Variants in BABAM2 observed in about 807,000 individuals in gnomAD.
The protein encoded by BABAM2 is BRISC and BRCA1 A complex member 2, also known as BRISC and BRCA1-A complex member 2.
A neutral mutation model predicts 54.7 loss-of-function variants in BABAM2; 31 were observed. That is an observed-to-expected ratio of 0.57 (90% CI 0.43 to 0.77). The LOEUF is 0.77. Among genes scored for constraint, BABAM2 ranks in the 30% least tolerant of loss-of-function variants. The pLI is 0.00. For missense variants in BABAM2, 364 were observed against 455.8 expected (o/e 0.80, Z 1.83); for synonymous variants, 167 against 162.9 (o/e 1.03, Z -0.19).
intron 6 of BABAM2, among the ~76,000 whole-genome samples, chr2:28,124,806 G>T (rs540009870): frequency 3.5e-4 from 54 of 152,220 alleles, no homozygotes; most frequent in African/African-American, 1.3e-3. Context: ...CAGAGGTATT[G>T]CAAATCTACA....
intron 3 of BABAM2, among the ~76,000 whole-genome samples, chr2:27,952,746 C>G (rs372163973): frequency 3.3e-5 from 5 of 152,126 alleles, no homozygotes; most frequent in African/African-American, 1.2e-4. Context: ...TAGCATTATC[C>G]GACCACTGAT....
intron 3 of BABAM2, among the ~76,000 whole-genome samples, chr2:27,979,780 A>G (rs1385815835): frequency 2.0e-5 from 3 of 152,110 alleles, no homozygotes; most frequent in Non-Finnish European, 2.9e-5. Context: ...AGTTATTGAA[A>G]CTGATAGACA....
At chr2:28,331,898 CAA>C (rs1690990004) in intron 11 of BABAM2, among the ~76,000 whole-genome samples, 1 of 152,172 alleles carries the variant, frequency 6.6e-6, no homozygotes, top group Non-Finnish European at 1.5e-5. Flanking sequence ...TTCACCATAG[CAA>C]AGACATGGAA....
At chr2:28,265,642 G>GCA (rs1221815644) in intron 10 of BABAM2, among the ~76,000 whole-genome samples, 5 of 151,618 alleles carry the variant, frequency 3.3e-5, no homozygotes, top group South Asian at 2.1e-4. Flanking sequence ...GCACATATGT[G>GCA]CACACACACA....
At chr2:28,237,401 C>T in intron 8 of BABAM2, 100 bp downstream of exon 8, 1 of 1,067,316 alleles carries the variant, frequency 9.4e-7, no homozygotes. Flanking sequence ...CTCGGACCGA[C>T]TGCTCAGTTT....
intron 2 of BABAM2, chr2:27,896,043 G>T (rs1665285508): frequency 6.6e-6 from 1 of 152,018 alleles, no homozygotes; most frequent in Non-Finnish European, 1.5e-5. Flanking sequence ...TTTCTTACTA[G>T]AAATGTTGCC....
intron 11 of BABAM2, among the ~76,000 whole-genome samples, chr2:28,311,751 A>G (rs1277992316): frequency 1.3e-5 from 2 of 152,230 alleles, no homozygotes; most frequent in Non-Finnish European, 2.9e-5. Context: ...AAAATTGTTT[A>G]AGGTAGCTGA....
intron 5 of BABAM2, among the ~76,000 whole-genome samples, chr2:28,029,589 T>C (rs968692067): frequency 6.6e-6 from 1 of 152,186 alleles, no homozygotes; most frequent in Non-Finnish European, 1.5e-5. Context: ...ATTTTACTTA[T>C]CCATTCATCC....
chr2:28,264,816 G>A (rs577179775), intron 10 of BABAM2, among the ~76,000 whole-genome samples: 8 of 152,190 alleles, frequency 5.3e-5, no homozygotes, highest in South Asian at 2.1e-4. Context: ...ACATGCTAAC[G>A]TTCAAAGACA....
intron 7 of BABAM2, among the ~76,000 whole-genome samples, chr2:28,236,297 C>A (rs145443269): frequency 6.6e-6 from 1 of 151,026 alleles, no homozygotes; most frequent in African/African-American, 2.4e-5. Context: ...TGAACAATTT[C>A]TTTTAATAAT....
intron 2 of BABAM2, among the ~76,000 whole-genome samples, chr2:27,916,057 A>T (rs1179368713): frequency 1.3e-5 from 2 of 152,204 alleles, no homozygotes; most frequent in African/African-American, 4.8e-5. Context: ...GTAGCATGAG[A>T]GCTAATCAGG....
chr2:27,981,706 A>G lies in BABAM2; in HGVS notation c.206-6287A>G, dbSNP rs574649536. Reference sequence around the variant, plus strand: ...AGCATTATATCAGTACTTTCTTTCAAATTTGAATAATATTCCATTACATGT... The same window carrying G: ...AGCATTATATCAGTACTTTCTTTCAGATTTGAATAATATTCCATTACATGT... On this transcript the variant is annotated intron_variant, in intron 3 of 11. Transcript: ENST00000379624. 3.3e-5 allele frequency among the ~76,000 whole-genome samples: 5 copies of G among 152,280 alleles called. No individual in the cohort carries two copies. In the East Asian group the frequency reaches 9.6e-4, roughly 29 times the overall value.
At chr2:28,130,418 T>C (rs1669925569) in intron 7 of BABAM2, among the ~76,000 whole-genome samples, 2 of 152,138 alleles carry the variant, frequency 1.3e-5, no homozygotes, top group Non-Finnish European at 2.9e-5. Context: ...ACACAGCACT[T>C]AGAACAGGAT....
intron 6 of BABAM2, among the ~76,000 whole-genome samples, chr2:28,128,167 GCTGCTGAACC>G (rs1457443819): frequency 6.6e-6 from 1 of 152,110 alleles, no homozygotes; most frequent in African/African-American, 2.4e-5. Context: ...TGCTGGTGTG[GCTGCTGAACC>G]TTCCTAAGGA....
intron 2 of BABAM2, among the ~76,000 whole-genome samples, chr2:27,906,449 T>A (rs758831339): frequency 1.3e-5 from 2 of 152,350 alleles, no homozygotes; most frequent in South Asian, 2.1e-4. Context: ...TTATGAGCCT[T>A]TTAACATTAC....
chr2:28,334,351 G>A (rs1011771144), intron 11 of BABAM2, among the ~76,000 whole-genome samples: 15 of 152,248 alleles, frequency 9.9e-5, no homozygotes, highest in African/African-American at 2.7e-4. Context: ...AGGGCTCCCC[G>A]GACCCGACCC....
At chr2:28,198,368 A>G (rs919772583) in intron 7 of BABAM2, among the ~76,000 whole-genome samples, 4 of 152,090 alleles carry the variant, frequency 2.6e-5, no homozygotes, top group Admixed American at 6.5e-5. Flanking sequence ...GGGTTTCACC[A>G]TATTAGCCAG....
intron 6 of BABAM2, among the ~76,000 whole-genome samples, chr2:28,054,547 T>C (rs74873433): frequency 0.054 from 8,215 of 152,260 alleles, 316 homozygotes; most frequent in East Asian, 0.15. Context: ...GATTCAGTTA[T>C]GAGGGTGGAG....
chr2:28,159,216 G>T (rs1672824520), intron 7 of BABAM2, among the ~76,000 whole-genome samples: 1 of 152,192 alleles, frequency 6.6e-6, no homozygotes, highest in Non-Finnish European at 1.5e-5. Flanking sequence ...CACTTTTTAA[G>T]TCAGGATGGG....
Sources: gnomAD v4.1 joint callset for allele counts (sites outside exome capture counted in the v4.1 genomes callset) on GRCh38, gnomAD v4.1.1 for gene constraint, MANE v1.5 for transcripts, NCBI Gene and HGNC (gene_info 2026-07-23, HGNC 2026-07-21) for gene names.